ACOT1: variants seen among roughly 807,000 people sequenced by gnomAD.
ACOT1 encodes acyl-CoA thioesterase 1, also known as acyl-coenzyme A thioesterase 1.
Under a neutral mutation model 15.7 loss-of-function variants are expected in ACOT1, and 8 were observed. The observed-to-expected ratio is 0.51, with a 90% CI of 0.30 to 0.92. The LOEUF is 0.92. Ranked by LOEUF, ACOT1 falls within the 40% of genes least tolerant of loss-of-function variation. ACOT1 has a pLI of 0.06. For synonymous variants in ACOT1, 67 were observed against 241.2 expected, an observed-to-expected ratio of 0.28 and a Z score of 6.69; for missense variants, 151 against 539.4, an observed-to-expected ratio of 0.28 and a Z score of 7.13.
At chr14:73,508,826 C>T in the ACOT1 span, among the ~76,000 whole-genome samples, 1 of 150,650 alleles carries the variant, frequency 6.6e-6, no homozygotes, top group African/African-American at 2.4e-5. Flanking sequence ...TGTTAAAGTA[C>T]CTAGAAAGAG....
the ACOT1 span, among the ~76,000 whole-genome samples, chr14:73,494,249 A>AG: frequency 3.3e-5 from 5 of 152,220 alleles, no homozygotes; most frequent in Admixed American, 3.3e-4. Flanking sequence ...TGGAACCAGA[A>AG]GACCTGGGTT....
chr14:73,534,717 T>C (rs1268873748), upstream of ACOT1, among the ~76,000 whole-genome samples: 1 of 112,172 alleles, frequency 8.9e-6, no homozygotes, highest in Non-Finnish European at 1.9e-5. Flanking sequence ...AATAAACAAA[T>C]ACTATGCATA....
chr14:73,535,704 C>T (rs1303629371), upstream of ACOT1, among the ~76,000 whole-genome samples: 13 of 112,420 alleles, frequency 1.2e-4, 3 homozygotes, highest in Non-Finnish European at 2.3e-4. Flanking sequence ...TGGTGTCGAT[C>T]TGCTGACCTC....
At chr14:73,493,018 T>G in the ACOT1 span, 3 of 1,315,068 alleles carry the variant, frequency 2.3e-6, no homozygotes, top group Admixed American at 6.1e-5. Flanking sequence ...TTTTTTTTCC[T>G]TAAACTCACG....
intron 1 of ACOT1, among the ~76,000 whole-genome samples, chr14:73,541,207 T>C (rs1213689934): frequency 8.9e-6 from 1 of 112,832 alleles, no homozygotes; most frequent in Non-Finnish European, 1.9e-5. Context: ...CTCTTCTATG[T>C]AGCAGTCTTT....
At chr14:73,509,808 GCCCATATATATATATATATATATATA>G in the ACOT1 span, among the ~76,000 whole-genome samples, 1 of 63,466 alleles carries the variant, frequency 1.6e-5, no homozygotes, top group Non-Finnish European at 2.9e-5. Flanking sequence ...TGCCCCATGA[GCCCATATATATATATATATATATATA>G]TATATATATA....
At chr14:73,514,271 C>T in the ACOT1 span, 1 of 1,586,876 alleles carries the variant, frequency 6.3e-7, no homozygotes, top group African/African-American at 1.3e-5. Flanking sequence ...TTTCACCCCA[C>T]TGCCTTAGGC....
chr14:73,492,554 G>T, the ACOT1 span: 7 of 1,613,818 alleles, frequency 4.3e-6, no homozygotes, highest in Non-Finnish European at 5.1e-6. The surrounding 1 kb of genome is among the most constrained non-coding windows in gnomAD (Gnocchi z 4.9). Flanking sequence ...TCTGCCCCCT[G>T]TTTTGACTGA....
the ACOT1 span, chr14:73,503,108 C>G: frequency 5.2e-6 from 5 of 960,206 alleles, no homozygotes; most frequent in East Asian, 1.2e-4. Flanking sequence ...TTACTCATCA[C>G]TGTACTAATG....
chr14:73,495,399 C>G, the ACOT1 span: 2 of 1,606,350 alleles, frequency 1.2e-6, no homozygotes, highest in Non-Finnish European at 1.7e-6. Context: ...TAAATTAGAA[C>G]AAATAATGTT....
upstream of ACOT1, among the ~76,000 whole-genome samples, chr14:73,536,344 G>C (rs1888861241): frequency 9.1e-6 from 1 of 110,008 alleles, no homozygotes. Context: ...AATAGCCTAT[G>C]AAAAAGTAGA....
At chr14:73,508,409 C>T in the ACOT1 span, 2 of 810,320 alleles carry the variant, frequency 2.5e-6, no homozygotes, top group Non-Finnish European at 4.0e-6. Context: ...CTTCCTTGTG[C>T]CCCACTCAGT....
the ACOT1 span, chr14:73,519,232 T>G: frequency 1.2e-5 from 18 of 1,490,070 alleles, no homozygotes; most frequent in Non-Finnish European, 1.6e-5. Context: ...GGGTTCCTAA[T>G]CACCAGGATC....
chr14:73,495,130 C>A, the ACOT1 span: 7 of 1,027,892 alleles, frequency 6.8e-6, 1 homozygote, highest in Middle Eastern at 8.6e-4. Context: ...CTGACTCTTT[C>A]ATCCTCTAAG....
chr14:73,511,474 G>A, the ACOT1 span, among the ~76,000 whole-genome samples: 26 of 151,540 alleles, frequency 1.7e-4, no homozygotes, highest in Admixed American at 1.5e-3. Context: ...AGCAGAGATC[G>A]CGCCACTGCA....
chr14:73,508,751 CAA>C, the ACOT1 span, among the ~76,000 whole-genome samples: 10 of 57,864 alleles, frequency 1.7e-4, no homozygotes, highest in African/African-American at 2.6e-4. Flanking sequence ...AACTCTGTCT[CAA>C]AAAAAAAAAA....
chr14:73,534,861 C>T (rs1220420659), upstream of ACOT1, among the ~76,000 whole-genome samples: 2 of 101,254 alleles, frequency 2.0e-5, 1 homozygote, highest in South Asian at 6.5e-4. Flanking sequence ...AAGCTGGTAT[C>T]GAATTCCTCC....
rs1255479054 is a variant in ACOT1, at chr14:73,541,391, G to T, written c.458-102G>T. ...TGGGTAGATACCTAGGAGTGGGATT[G>T]CTGGGTCACATGTGTGGTAAGTATA... On this transcript the variant is annotated intron_variant, in intron 1 of 2. Transcript: ENST00000311148. 5.1e-6 allele frequency: 5 copies of T among 982,312 alleles called. 2 individuals are homozygous for T. Among genetic ancestry groups the T allele is most frequent in the Admixed American group, 5.0e-5 (2 of 39,648 alleles). 60.8% of individuals were successfully genotyped at this position (982,312 alleles called of 1,614,324 possible).
chr14:73,491,072 C>T, the ACOT1 span: 8 of 1,594,950 alleles, frequency 5.0e-6, no homozygotes, highest in Non-Finnish European at 6.8e-6. Flanking sequence ...GCCGAAGCGC[C>T]GGCGCAAGCC....
Sources: allele counts gnomAD v4.1 joint callset (sites outside exome capture counted in the v4.1 genomes callset), GRCh38; gene constraint gnomAD v4.1.1; non-coding constraint Gnocchi (gnomAD v3.1); transcripts MANE v1.5; gene names NCBI Gene and HGNC (gene_info 2026-07-23, HGNC 2026-07-21).